Variants in ROBO2 observed in about 807,000 individuals in gnomAD.
ROBO2 encodes the protein roundabout guidance receptor 2.
In ROBO2, 53 loss-of-function variants were observed where a neutral mutation model predicts 160.8. The ratio of observed to expected loss-of-function variants is 0.33; its 90% CI spans 0.26 to 0.41. ROBO2 has a LOEUF of 0.41. Among genes scored for constraint, ROBO2 ranks in the 10% least tolerant of loss-of-function variants. ROBO2 has a pLI of 1.00. For synonymous variants in ROBO2, 664 were observed against 611.7 expected, an observed-to-expected ratio of 1.09 and a Z score of -1.26; for missense variants, 1,577 against 1,722.4, an observed-to-expected ratio of 0.92 and a Z score of 1.49.
intron 2 of ROBO2, among the ~76,000 whole-genome samples, chr3:77,298,632 G>C (rs2153409399): frequency 6.6e-6 from 1 of 152,234 alleles, no homozygotes; most frequent in South Asian, 2.1e-4. Context: ...TGTAATAGCT[G>C]CACTGTAACA....
intron 5 of ROBO2, among the ~76,000 whole-genome samples, chr3:77,512,098 A>C (rs2089467038): frequency 6.7e-6 from 1 of 149,690 alleles, no homozygotes; most frequent in Non-Finnish European, 1.5e-5. Flanking sequence ...ACATAGACTC[A>C]GTCTGTACCA....
At chr3:76,165,684 G>T (rs1252660217) in intron 2 of ROBO2, among the ~76,000 whole-genome samples, 1 of 152,046 alleles carries the variant, frequency 6.6e-6, no homozygotes, top group Admixed American at 6.6e-5. Context: ...GATTTAAAGT[G>T]GGAGACATGC....
intron 2 of ROBO2, among the ~76,000 whole-genome samples, chr3:76,926,970 C>T (rs2077028544): frequency 6.6e-6 from 1 of 151,944 alleles, no homozygotes; most frequent in Admixed American, 6.6e-5. Flanking sequence ...TAAATTTACT[C>T]TTATAAAATT....
chr3:77,499,449 T>C (rs2087230065), intron 5 of ROBO2, among the ~76,000 whole-genome samples: 1 of 152,190 alleles, frequency 6.6e-6, no homozygotes. Flanking sequence ...GTACAATGGA[T>C]GCACATACAT....
At chr3:75,923,129 A>T (rs1340873102) in intron 1 of ROBO2, among the ~76,000 whole-genome samples, 2 of 152,318 alleles carry the variant, frequency 1.3e-5, no homozygotes, top group African/African-American at 4.8e-5. Context: ...GCCTTATCTT[A>T]TAGAGGAAGG....
chr3:76,780,119 T>A (rs539225678), intron 2 of ROBO2, among the ~76,000 whole-genome samples: 49 of 151,168 alleles, frequency 3.2e-4, no homozygotes, highest in African/African-American at 1.1e-3. Context: ...TCTTATTGTT[T>A]TGATTTGCAT....
chr3:77,277,399 C>T (rs544350128), intron 2 of ROBO2, among the ~76,000 whole-genome samples: 10 of 151,844 alleles, frequency 6.6e-5, no homozygotes, highest in Non-Finnish European at 1.2e-4. Flanking sequence ...CCACCCATCA[C>T]CTAGGTATTA....
intron 2 of ROBO2, among the ~76,000 whole-genome samples, chr3:76,187,517 T>A (rs1387321806): frequency 6.6e-6 from 1 of 152,100 alleles, no homozygotes; most frequent in Middle Eastern, 3.2e-3. Context: ...CAAACCATCC[T>A]CTTGCCTTGG....
chr3:76,732,081 C>G (rs2107866577), intron 2 of ROBO2, among the ~76,000 whole-genome samples: 1 of 152,076 alleles, frequency 6.6e-6, no homozygotes, highest in Non-Finnish European at 1.5e-5. Flanking sequence ...AAATTATGTG[C>G]CATTAGTAGA....
At position 76,698,422 on chromosome 3, in the gene ROBO2, G is replaced by T. The variant is rs138885568; in HGVS notation, c.110-399592G>T. Among the ~76,000 whole-genome samples the T allele has an allele frequency of 2.9e-3, 447 of 152,234 alleles. 1 individual carries two copies. The highest frequency in any genetic ancestry group is 9.0e-3 in the African/African-American group (373 of 41,558). ...TAATAGCTGGTCTCTGGAAGGGGGT[G>T]GGGGAGCCCTCATGTGTAGCTTTTG... On this transcript the variant is annotated intron_variant, in intron 2 of 26. Coordinates refer to the ROBO2 transcript ENST00000487694.
intron 2 of ROBO2, among the ~76,000 whole-genome samples, chr3:76,023,829 A>G (rs993120388): frequency 2.0e-5 from 3 of 151,478 alleles, no homozygotes; most frequent in African/African-American, 7.3e-5. Context: ...CAAACCTTCA[A>G]TTTGTAAAAA....
At chr3:76,407,106 G>A (rs2075239999) in intron 2 of ROBO2, among the ~76,000 whole-genome samples, 2 of 150,622 alleles carry the variant, frequency 1.3e-5, no homozygotes, top group African/African-American at 4.9e-5. Flanking sequence ...GTTTGCAGTA[G>A]GATTTTGCTC....
chr3:77,036,150 A>G (rs2063622548), upstream of ROBO2, among the ~76,000 whole-genome samples: 1 of 151,966 alleles, frequency 6.6e-6, no homozygotes, highest in African/African-American at 2.4e-5. Context: ...TGTGCCTTTC[A>G]TTAACTTGGG....
chr3:77,596,796 T>TC (rs1491276278), intron 19 of ROBO2, 46 bp downstream of exon 20: 10 of 22,230 alleles, frequency 4.5e-4, no homozygotes, highest in Non-Finnish European at 6.1e-4. Flanking sequence ...TCTCTCTCTC[T>TC]TTTTTTTTTT....
intron 2 of ROBO2, among the ~76,000 whole-genome samples, chr3:76,278,749 A>G (rs907394738): frequency 6.6e-6 from 1 of 152,032 alleles, no homozygotes; most frequent in Non-Finnish European, 1.5e-5. Context: ...CTGTCAACAC[A>G]TATCTTTAGG....
intron 2 of ROBO2, among the ~76,000 whole-genome samples, chr3:76,761,290 T>A (rs571109421): frequency 1.3e-5 from 2 of 151,884 alleles, no homozygotes; most frequent in African/African-American, 4.8e-5. Flanking sequence ...AGAGTTCAGA[T>A]TAGGCTCAGC....
At chr3:76,655,548 C>T (rs1035771109) in intron 2 of ROBO2, among the ~76,000 whole-genome samples, 3 of 142,242 alleles carry the variant, frequency 2.1e-5, no homozygotes, top group Non-Finnish European at 4.6e-5. Context: ...GGATGGGGTA[C>T]AGAGAGAGCA....
chr3:76,702,817 A>G (rs917279770), intron 2 of ROBO2, among the ~76,000 whole-genome samples: 1 of 152,146 alleles, frequency 6.6e-6, no homozygotes, highest in African/African-American at 2.4e-5. Context: ...GAAATGCTAG[A>G]TTCGAGAAGG....
intron 2 of ROBO2, among the ~76,000 whole-genome samples, chr3:76,061,956 A>G (rs1039000500): frequency 1.3e-5 from 2 of 152,112 alleles, no homozygotes; most frequent in Non-Finnish European, 2.9e-5. Flanking sequence ...TTTCTTCCAT[A>G]GTCACATCTC....
Sources: gnomAD v4.1 joint callset for allele counts (sites outside exome capture counted in the v4.1 genomes callset) on GRCh38, gnomAD v4.1.1 for gene constraint, MANE v1.5 for transcripts, NCBI Gene and HGNC (gene_info 2026-07-23, HGNC 2026-07-21) for gene names.